Variants in DDR2 observed in about 807,000 individuals in gnomAD.
DDR2 encodes discoidin domain-containing receptor 2.
A neutral mutation model predicts 94.9 loss-of-function variants in DDR2; 27 were observed. The ratio of observed to expected loss-of-function variants is 0.28; its 90% CI spans 0.21 to 0.39. The LOEUF (loss-of-function observed/expected upper bound fraction) is 0.39. Ranked by LOEUF, DDR2 falls within the 10% of genes least tolerant of loss-of-function variation. The probability of loss-of-function intolerance (pLI) is 1.00; values close to 1 mark genes in which losing one functional copy is unlikely to be tolerated. For missense variants in DDR2, 783 were observed against 1,076.0 expected, an observed-to-expected ratio of 0.73 and a Z score of 3.81; for synonymous variants, 382 against 377.2, an observed-to-expected ratio of 1.01 and a Z score of -0.15.
At chr1:162,640,855 G>A (rs764838834) in intron 1 of DDR2, among the ~76,000 whole-genome samples, 26 of 150,342 alleles carry the variant, frequency 1.7e-4, no homozygotes, top group Non-Finnish European at 3.5e-4. Flanking sequence ...ATTTTTGTTC[G>A]TTTGTGATCC....
At chr1:162,698,138 A>G (rs1434915323) in intron 2 of DDR2, among the ~76,000 whole-genome samples, 1 of 152,238 alleles carries the variant, frequency 6.6e-6, no homozygotes, top group Non-Finnish European at 1.5e-5. Context: ...ACTTTGCTGA[A>G]TGAAATTGAA....
intron 2 of DDR2, among the ~76,000 whole-genome samples, chr1:162,700,075 T>G (rs901383374): frequency 1.3e-5 from 2 of 152,124 alleles, no homozygotes; most frequent in Non-Finnish European, 2.9e-5. Context: ...TAGTTACTCA[T>G]GAGAGAGCTT....
chr1:162,743,951 A>G (rs1040912194), intron 3 of DDR2, among the ~76,000 whole-genome samples: 3 of 152,234 alleles, frequency 2.0e-5, no homozygotes, highest in African/African-American at 7.2e-5. Flanking sequence ...GTTACATATA[A>G]ATGGAAGCAT....
chr1:162,765,562 T>C (rs941657381), intron 9 of DDR2, among the ~76,000 whole-genome samples: 6 of 152,072 alleles, frequency 3.9e-5, no homozygotes, highest in Non-Finnish European at 8.8e-5. Context: ...ATTGAAGGGC[T>C]AGGCCGATGA....
At chr1:162,743,044 A>G (rs765585261) in intron 3 of DDR2, among the ~76,000 whole-genome samples, 16 of 152,200 alleles carry the variant, frequency 1.1e-4, no homozygotes, top group Non-Finnish European at 1.6e-4. Context: ...GGACACAGCC[A>G]AACCATATCA....
intron 1 of DDR2, among the ~76,000 whole-genome samples, chr1:162,643,731 T>G (rs762580393): frequency 4.6e-5 from 7 of 152,176 alleles, no homozygotes; most frequent in Non-Finnish European, 8.8e-5. Flanking sequence ...TCCACCTGCC[T>G]CGGCCTCCCA....
At chr1:162,700,424 A>T (rs1358893671) in intron 2 of DDR2, among the ~76,000 whole-genome samples, 2 of 152,304 alleles carry the variant, frequency 1.3e-5, no homozygotes, top group African/African-American at 2.4e-5. Flanking sequence ...CAAGGACATC[A>T]TGCAACTCAT....
intron 3 of DDR2, among the ~76,000 whole-genome samples, chr1:162,727,504 A>G (rs1661752606): frequency 6.8e-6 from 1 of 146,670 alleles, no homozygotes; most frequent in South Asian, 2.1e-4. Flanking sequence ...CTATATATAG[A>G]GTTAAAAATA....
chr1:162,710,166 C>G (rs1660833315), intron 2 of DDR2, among the ~76,000 whole-genome samples: 1 of 152,188 alleles, frequency 6.6e-6, no homozygotes. Context: ...ACTTTCCCCC[C>G]TCACCTCTCC....
chr1:162,686,484 T>C lies in DDR2; in HGVS notation c.-28+31110T>C, dbSNP rs1659695822. Among the ~76,000 whole-genome samples, 2 of 152,256 alleles carry C rather than the reference T, an allele frequency of 1.3e-5. 1 individual carries two copies. The highest frequency in any genetic ancestry group is 4.8e-5 in the African/African-American group (2 of 41,470). ...TATGCGGTGTTTGGTTTTGTGTTCCTGTGTTAGTTTGCTGAGAATGATGGC... is the reference window on the plus strand; with the variant it reads ...TATGCGGTGTTTGGTTTTGTGTTCCCGTGTTAGTTTGCTGAGAATGATGGC... On this transcript the variant is annotated intron_variant, in intron 2 of 17. Coordinates refer to ENST00000367921, the MANE Select transcript of DDR2 (RefSeq NM_006182.4).
In DDR2 at chr1:162,780,165, C is replaced by G. The variant is rs1459722589; in HGVS notation, c.2487C>G (p.Leu829=). 6.2e-7 allele frequency: 1 copy of G among 1,614,046 alleles called. No homozygotes were observed. The highest frequency in any genetic ancestry group is 8.5e-7 in the Non-Finnish European group (1 of 1,179,958). ...ICPDSVYKLM[L]SCWRRDTKNR... ...CTGACTCTGTGTATAAGCTGATGCT[C>G]AGCTGCTGGAGAAGAGATACGAAGA... The change falls in exon 18 of 18, where the codon CTC becomes CTG. Residue 829 remains leucine, a synonymous_variant. Coordinates refer to ENST00000367921, the MANE Select transcript of DDR2 (RefSeq NM_006182.4).
At chr1:162,682,835 A>G (rs1659475691) in intron 2 of DDR2, among the ~76,000 whole-genome samples, 1 of 152,216 alleles carries the variant, frequency 6.6e-6, no homozygotes, top group Non-Finnish European at 1.5e-5. Context: ...AGAGTGCTTT[A>G]AAAACATGAC....
At chr1:162,685,269 A>G (rs1445235487) in intron 2 of DDR2, among the ~76,000 whole-genome samples, 1 of 152,218 alleles carries the variant, frequency 6.6e-6, no homozygotes, top group Non-Finnish European at 1.5e-5. Flanking sequence ...GTGAAGCAGA[A>G]GTATCTGTGT....
intron 2 of DDR2, among the ~76,000 whole-genome samples, chr1:162,715,604 A>G (rs983578829): frequency 2.6e-5 from 4 of 152,150 alleles, no homozygotes; most frequent in Admixed American, 2.6e-4. Flanking sequence ...AAAAGAAGGA[A>G]CAACAAAAAC....
intron 14 of DDR2, among the ~76,000 whole-genome samples, chr1:162,774,714 C>T (rs532168875): frequency 4.1e-4 from 62 of 152,234 alleles, no homozygotes; most frequent in Middle Eastern, 3.4e-3. Flanking sequence ...TTGTTCCGAT[C>T]GGTGAAGTTT....
intron 2 of DDR2, among the ~76,000 whole-genome samples, chr1:162,669,425 T>C (rs1394417191): frequency 2.0e-5 from 3 of 152,216 alleles, no homozygotes; most frequent in Admixed American, 2.0e-4. Context: ...AGTTGAAATG[T>C]AAATGGGAAA....
intron 2 of DDR2, 56 bp from the exon 3 acceptor site, chr1:162,718,981 C>T: frequency 6.5e-7 from 1 of 1,542,808 alleles, no homozygotes; most frequent in Non-Finnish European, 8.9e-7. Context: ...CAGTATCTGC[C>T]TCACTCATTT....
At chr1:162,667,476 C>T (rs12239108) in intron 2 of DDR2, among the ~76,000 whole-genome samples, 362 of 152,234 alleles carry the variant, frequency 2.4e-3, no homozygotes, top group African/African-American at 8.2e-3. Context: ...CAACAGGAAA[C>T]CTTTACAACC....
At chr1:162,779,218 CTG>C (rs1283289358) in intron 17 of DDR2, among the ~76,000 whole-genome samples, 1 of 152,142 alleles carries the variant, frequency 6.6e-6, no homozygotes, top group African/African-American at 2.4e-5. Flanking sequence ...GAAGGCATCT[CTG>C]GGCCCAGTAT....
Sources: allele counts gnomAD v4.1 joint callset (sites outside exome capture counted in the v4.1 genomes callset), GRCh38; gene constraint gnomAD v4.1.1; transcripts MANE v1.5; gene names NCBI Gene and HGNC (gene_info 2026-07-23, HGNC 2026-07-21).